The following PCDHGA9 variants were observed in gnomAD, a reference collection of about 807,000 sequenced individuals.
PCDHGA9 encodes the protein protocadherin gamma subfamily A, 9.
In PCDHGA9, 37 loss-of-function variants were observed where a neutral mutation model predicts 62.5. The observed-to-expected ratio is 0.59, with a 90% CI of 0.46 to 0.78. The LOEUF is 0.78. PCDHGA9 is among the 30% of genes least tolerant of loss of function. The pLI, the probability that PCDHGA9 is intolerant of heterozygous loss-of-function variation, is 0.00. For synonymous variants in PCDHGA9, 459 were observed against 484.6 expected, an observed-to-expected ratio of 0.95 and a Z score of 0.69; for missense variants, 1,138 against 1,166.2, an observed-to-expected ratio of 0.98 and a Z score of 0.35.
chr5:141,491,966 G>A lies in PCDHGA9; in HGVS notation c.2425-2841G>A. 1.1e-6 allele frequency: 1 copy of A among 943,066 alleles called. No individual in the cohort carries two copies. Among genetic ancestry groups the A allele is most frequent in the Non-Finnish European group, 1.5e-6 (1 of 669,210 alleles). The allele number at this position is 943,066 out of a possible 1,614,324, so 58.4% of individuals were successfully genotyped here. On this transcript the variant is annotated intron_variant, in intron 1 of 3. Coordinates refer to ENST00000573521, the MANE Select transcript of PCDHGA9 (RefSeq NM_018921.3). The surrounding 1 kb of genome is among the most constrained non-coding windows in gnomAD (Gnocchi z 6.9). ...CCACCCCTACACTCAAAAAAGGCCG[G>A]GGCCTCCTTCGAGCTTCCGGTGAAT...
intron 1 of PCDHGA9, among the ~76,000 whole-genome samples, chr5:141,467,051 T>G (rs988417775): frequency 6.6e-6 from 1 of 151,462 alleles, no homozygotes; most frequent in Non-Finnish European, 1.5e-5. Context: ...TGAATCAATG[T>G]TTTCTTTTTT....
chr5:141,479,616 C>A (rs1371541860), intron 1 of PCDHGA9: 2 of 152,232 alleles, frequency 1.3e-5, no homozygotes, highest in African/African-American at 4.8e-5. Flanking sequence ...TATAGGGAAA[C>A]CATGTCTCTT....
At chr5:141,507,084 T>G (rs2099858284) in intron 3 of PCDHGA9, 1 of 152,142 alleles carries the variant, frequency 6.6e-6, no homozygotes, top group African/African-American at 2.4e-5. Flanking sequence ...ACTCCTAAGT[T>G]TATGCTCTTT....
At chr5:141,420,811 CT>C (rs2096526727) in intron 1 of PCDHGA9, among the ~76,000 whole-genome samples, 1 of 152,214 alleles carries the variant, frequency 6.6e-6, no homozygotes, top group Admixed American at 6.5e-5. Flanking sequence ...TAAGCAAGCC[CT>C]TTTAATAATT....
chr5:141,498,684 C>T (rs1255085852), intron 2 of PCDHGA9, among the ~76,000 whole-genome samples: 1 of 152,192 alleles, frequency 6.6e-6, no homozygotes, highest in South Asian at 2.1e-4. Flanking sequence ...GTAATCCCAG[C>T]ACTTTGGGAG....
intron 1 of PCDHGA9, among the ~76,000 whole-genome samples, chr5:141,467,211 C>G (rs1288732759): frequency 6.6e-6 from 1 of 152,068 alleles, no homozygotes; most frequent in Non-Finnish European, 1.5e-5. Context: ...TGCCACCATG[C>G]CTGGCTAATT....
chr5:141,425,836 C>T (rs568578402), intron 1 of PCDHGA9, among the ~76,000 whole-genome samples: 1 of 152,344 alleles, frequency 6.6e-6, no homozygotes, highest in East Asian at 1.9e-4. Context: ...TTTAAATTCT[C>T]TTTGCTGGGT....
At chr5:141,448,948 A>AAAAC (rs1237948751) in intron 1 of PCDHGA9, among the ~76,000 whole-genome samples, 2 of 152,170 alleles carry the variant, frequency 1.3e-5, no homozygotes, top group African/African-American at 2.4e-5. Flanking sequence ...GCAACTCAAA[A>AAAAC]AAACAAACAA....
chr5:141,447,430 A>G (rs960560239), intron 1 of PCDHGA9, among the ~76,000 whole-genome samples: 9 of 152,156 alleles, frequency 5.9e-5, no homozygotes, highest in African/African-American at 2.2e-4. Flanking sequence ...GAGCCACCGC[A>G]CCCGGAGGAA....
chr5:141,452,088 AAG>A (rs1200732162), intron 1 of PCDHGA9, among the ~76,000 whole-genome samples: 2 of 152,206 alleles, frequency 1.3e-5, no homozygotes, highest in African/African-American at 4.8e-5. Flanking sequence ...ATTATACAGT[AAG>A]AAAGAGCTTT....
intron 1 of PCDHGA9, chr5:141,409,714 CG>C: frequency 6.2e-7 from 1 of 1,613,226 alleles, no homozygotes; most frequent in Non-Finnish European, 8.5e-7. Flanking sequence ...TGTCGTCATA[CG>C]TGTCAGTGAG....
intron 1 of PCDHGA9, chr5:141,441,925 T>C (rs926242217): frequency 2.8e-6 from 1 of 353,614 alleles, no homozygotes; most frequent in Non-Finnish European, 5.4e-6. Flanking sequence ...ACACAATGCG[T>C]GGCTGTCCTA....
chr5:141,471,646 G>C (rs935284198), intron 1 of PCDHGA9: 1 of 152,108 alleles, frequency 6.6e-6, no homozygotes, highest in Non-Finnish European at 1.5e-5. Flanking sequence ...GTAATATACT[G>C]GATGTGGGGA....
chr5:141,415,599 C>G (rs201075690), intron 1 of PCDHGA9: 321 of 1,613,514 alleles, frequency 2.0e-4, no homozygotes, highest in South Asian at 6.6e-4. Context: ...TAGAGGATAC[C>G]CCATTGGTTC....
intron 1 of PCDHGA9, among the ~76,000 whole-genome samples, chr5:141,448,669 G>T: frequency 6.6e-6 from 1 of 152,136 alleles, no homozygotes; most frequent in East Asian, 1.9e-4. Flanking sequence ...GGCCGGGCGC[G>T]GTGGCTCACG....
chr5:141,481,151 G>A (rs1326614212), intron 1 of PCDHGA9, among the ~76,000 whole-genome samples: 1 of 152,198 alleles, frequency 6.6e-6, no homozygotes, highest in African/African-American at 2.4e-5. Context: ...TGTTATTCTG[G>A]TATTTGCAGA....
Position 141,415,491 on chromosome 5 carries a change from G to C in PCDHGA9, c.2424+10115G>C, listed in dbSNP as rs1386703838. 3.7e-6 allele frequency: 6 copies of C among 1,614,090 alleles called. No homozygotes were observed. The Admixed American group carries it at 8.3e-5, about 22-fold the overall frequency. ...CCGCGGACTCGCGAAAGAGTCACCTGATCTTCCCCCAGCCCAATTATGCGG... is the reference window on the plus strand; with the variant it reads ...CCGCGGACTCGCGAAAGAGTCACCTCATCTTCCCCCAGCCCAATTATGCGG... On this transcript the variant is annotated intron_variant, in intron 1 of 3. Coordinates refer to ENST00000573521, the MANE Select transcript of PCDHGA9 (RefSeq NM_018921.3).
At chr5:141,408,412 G>A in intron 1 of PCDHGA9, 2 of 1,614,052 alleles carry the variant, frequency 1.2e-6, no homozygotes, top group South Asian at 1.1e-5. Flanking sequence ...GAGTGAGCGC[G>A]GAGAAGCTGC....
intron 1 of PCDHGA9, chr5:141,421,469 G>C (rs767500900): frequency 2.5e-6 from 4 of 1,614,122 alleles, no homozygotes; most frequent in Non-Finnish European, 3.4e-6. Context: ...GTGAATCCGC[G>C]AAGCGGCAGC....
Sources: gnomAD v4.1 joint callset for allele counts (sites outside exome capture counted in the v4.1 genomes callset) on GRCh38, gnomAD v4.1.1 for gene constraint, Gnocchi (gnomAD v3.1) non-coding constraint, MANE v1.5 for transcripts, NCBI Gene and HGNC (gene_info 2026-07-23, HGNC 2026-07-21) for gene names.